The following ARHGAP44 variants were observed in gnomAD, a reference collection of about 807,000 sequenced individuals.
ARHGAP44 encodes Rho GTPase activating protein 44.
Under a neutral mutation model 106.8 loss-of-function variants are expected in ARHGAP44, and 43 were observed. That is an observed-to-expected ratio of 0.40 (90% confidence interval 0.32 to 0.52). The LOEUF (loss-of-function observed/expected upper bound fraction) is 0.52, where lower values mean the gene tolerates loss of function less well. Ranked by LOEUF, ARHGAP44 falls within the 20% of genes least tolerant of loss-of-function variation. ARHGAP44 has a pLI of 0.48. For synonymous variants in ARHGAP44, 439 were observed against 410.3 expected (o/e 1.07, Z -0.85); for missense variants, 866 against 1,050.5 (o/e 0.82, Z 2.43).
intron 1 of ARHGAP44, among the ~76,000 whole-genome samples, chr17:12,888,990 T>C: frequency 6.6e-6 from 1 of 152,188 alleles, no homozygotes; most frequent in African/African-American, 2.4e-5. Context: ...TGAAATGAGA[T>C]TCTTGTAGAC....
At chr17:12,915,266 T>C (rs1204863342) in intron 4 of ARHGAP44, among the ~76,000 whole-genome samples, 1 of 152,200 alleles carries the variant, frequency 6.6e-6, no homozygotes, top group East Asian at 1.9e-4. Flanking sequence ...TTGTAATAAC[T>C]TTTTACTTGA....
chr17:12,957,401 A>G (rs1185237362), intron 15 of ARHGAP44, among the ~76,000 whole-genome samples: 1 of 152,222 alleles, frequency 6.6e-6, no homozygotes, highest in Non-Finnish European at 1.5e-5. Flanking sequence ...GGAAGGAAAG[A>G]TCCTCTGCCC....
At chr17:12,850,931 A>G (rs1158828221) in intron 1 of ARHGAP44, among the ~76,000 whole-genome samples, 1 of 152,204 alleles carries the variant, frequency 6.6e-6, no homozygotes. Flanking sequence ...ACCCACAAGA[A>G]CATCACAGAC....
chr17:12,802,957 ATATATATATATATTT>A (rs1211336966), intron 1 of ARHGAP44, among the ~76,000 whole-genome samples: 4 of 25,112 alleles, frequency 1.6e-4, no homozygotes, highest in South Asian at 2.1e-3. Context: ...ATATATATAT[ATATATATATATATTT>A]TTTTTTTTTT....
chr17:12,856,841 G>C (rs1483483477), intron 1 of ARHGAP44, among the ~76,000 whole-genome samples: 2 of 152,072 alleles, frequency 1.3e-5, no homozygotes, highest in Admixed American at 1.3e-4. Flanking sequence ...TGTTTGTTTT[G>C]GTGCTTTCTA....
chr17:12,940,400 A>G (rs2038674613), intron 7 of ARHGAP44, among the ~76,000 whole-genome samples: 2 of 152,222 alleles, frequency 1.3e-5, no homozygotes, highest in South Asian at 2.1e-4. Context: ...CTTGGAGGAC[A>G]AAACATTCCA....
intron 1 of ARHGAP44, among the ~76,000 whole-genome samples, chr17:12,826,311 C>A (rs565738580): frequency 6.6e-6 from 1 of 152,074 alleles, no homozygotes; most frequent in East Asian, 1.9e-4. Flanking sequence ...AATTTGTTTT[C>A]TTGTAATTCA....
intron 3 of ARHGAP44, among the ~76,000 whole-genome samples, chr17:12,903,549 T>A (rs1179471869): frequency 6.6e-6 from 1 of 152,126 alleles, no homozygotes. Context: ...TTTTCTAGAT[T>A]TTTGAGCAAT....
chr17:12,826,843 T>A (rs1172847755), intron 1 of ARHGAP44, among the ~76,000 whole-genome samples: 1 of 152,240 alleles, frequency 6.6e-6, no homozygotes, highest in Non-Finnish European at 1.5e-5. Context: ...TGATTTCTTC[T>A]TGGTGTCTTT....
At chr17:12,814,241 T>G (rs1053484346) in intron 1 of ARHGAP44, among the ~76,000 whole-genome samples, 5 of 143,888 alleles carry the variant, frequency 3.5e-5, no homozygotes, top group African/African-American at 1.3e-4. Context: ...TGGTGTTTTT[T>G]TTTTTTTTTT....
chr17:12,903,126 G>GGGGAGA (rs2037436440), intron 3 of ARHGAP44, among the ~76,000 whole-genome samples: 2 of 70,700 alleles, frequency 2.8e-5, no homozygotes, highest in African/African-American at 6.5e-5. Flanking sequence ...GAGAGAGAGA[G>GGGGAGA]GAGAGAGAGA....
chr17:12,984,694 C>T lies in ARHGAP44; in HGVS notation c.2103C>T (p.Ala701=), dbSNP rs760934951. The T allele has an allele frequency of 1.2e-6, 2 of 1,613,690 alleles. No individual in the cohort carries two copies. The highest frequency in any genetic ancestry group is 2.2e-5 in the South Asian group (2 of 91,038). ...GCTACCCTCAGGGGTACTCCTTGGC[C>T]TCGGGCCAGCTCTCCCCAGCTGCAG... ...GLSYPQGYSL[A]SGQLSPAAAP... The change falls in exon 20 of 21, where the codon GCC becomes GCT. Residue 701 remains alanine (A), a synonymous_variant. Transcript: ENST00000379672.
chr17:12,919,381 G>C (rs1029761252), intron 5 of ARHGAP44, among the ~76,000 whole-genome samples: 1 of 117,088 alleles, frequency 8.5e-6, no homozygotes, highest in Non-Finnish European at 1.7e-5. Flanking sequence ...TTTAAGAATA[G>C]TTCTTCTTTT....
At chr17:12,845,489 A>G (rs1440241557) in intron 1 of ARHGAP44, among the ~76,000 whole-genome samples, 1 of 147,476 alleles carries the variant, frequency 6.8e-6, no homozygotes, top group Non-Finnish European at 1.5e-5. Flanking sequence ...GCCTGGTGAC[A>G]AAGCAAGACT....
At chr17:12,822,634 G>C (rs1246369673) in intron 1 of ARHGAP44, among the ~76,000 whole-genome samples, 1 of 152,124 alleles carries the variant, frequency 6.6e-6, no homozygotes, top group Non-Finnish European at 1.5e-5. Flanking sequence ...ATCACTTTAG[G>C]CCTTGAGTGG....
chr17:12,954,884 G>C (rs1217202224), intron 13 of ARHGAP44, among the ~76,000 whole-genome samples: 1 of 151,926 alleles, frequency 6.6e-6, no homozygotes, highest in Non-Finnish European at 1.5e-5. Flanking sequence ...TCATACCATT[G>C]AACCTTTTTA....
intron 4 of ARHGAP44, among the ~76,000 whole-genome samples, chr17:12,915,524 G>C (rs1460477459): frequency 1.3e-5 from 2 of 152,018 alleles, no homozygotes; most frequent in East Asian, 3.9e-4. Context: ...TTTCTATCAG[G>C]ACCTATTGAA....
chr17:12,968,723 A>AT (rs756127939), intron 16 of ARHGAP44, among the ~76,000 whole-genome samples: 9 of 149,170 alleles, frequency 6.0e-5, no homozygotes, highest in Non-Finnish European at 1.2e-4. Context: ...TCCAGTCCCC[A>AT]TTTTTTGTTC....
At chr17:12,977,755 C>G (rs1239073129) in intron 18 of ARHGAP44, among the ~76,000 whole-genome samples, 2 of 152,052 alleles carry the variant, frequency 1.3e-5, no homozygotes, top group Non-Finnish European at 2.9e-5. Flanking sequence ...GGAAGTGTGT[C>G]CGGGCCGGGC....
Sources: gnomAD v4.1 joint callset for allele counts (sites outside exome capture counted in the v4.1 genomes callset) on GRCh38, gnomAD v4.1.1 for gene constraint, MANE v1.5 for transcripts, NCBI Gene and HGNC (gene_info 2026-07-23, HGNC 2026-07-21) for gene names.